PACRG: variants seen among roughly 807,000 people sequenced by gnomAD.
PACRG encodes the protein parkin coregulated gene protein.
PACRG carries 29 observed loss-of-function variants against 29.7 expected under a neutral mutation model. That is an observed-to-expected ratio of 0.98 (90% CI 0.73 to 1.33). The LOEUF is 1.33. PACRG is among the 40% of genes most tolerant of loss of function. The pLI is 0.00. For missense variants in PACRG, 279 were observed against 316.2 expected (o/e 0.88, Z 0.89); for synonymous variants, 116 against 118.7 (o/e 0.98, Z 0.15).
intron 1 of PACRG, among the ~76,000 whole-genome samples, chr6:162,798,166 C>G (rs1444067065): frequency 6.6e-6 from 1 of 152,154 alleles, no homozygotes; most frequent in East Asian, 1.9e-4. Flanking sequence ...TGGGTCTAGG[C>G]TTCTTGATCC....
chr6:162,804,428 TCTGACTGTGTG>T (rs1786143582), intron 1 of PACRG, among the ~76,000 whole-genome samples: 1 of 152,210 alleles, frequency 6.6e-6, no homozygotes, highest in East Asian at 1.9e-4. Context: ...AAAGTCTTTT[TCTGACTGTGTG>T]CTGACATGGT....
At chr6:163,097,626 G>A (rs1304448188) in intron 4 of PACRG, among the ~76,000 whole-genome samples, 2 of 152,180 alleles carry the variant, frequency 1.3e-5, no homozygotes, top group African/African-American at 2.4e-5. Flanking sequence ...GACATCAATC[G>A]ATATGTGTGG....
chr6:163,095,405 A>G, intron 4 of PACRG: 1 of 985,438 alleles, frequency 1.0e-6, no homozygotes, highest in Non-Finnish European at 1.2e-6. Flanking sequence ...GGCGATGTCT[A>G]AAGAAATCAG....
chr6:162,745,626 A>T (rs1355648717), intron 1 of PACRG, among the ~76,000 whole-genome samples: 5 of 152,226 alleles, frequency 3.3e-5, no homozygotes, highest in Admixed American at 3.3e-4. Flanking sequence ...CAGTGGTCTT[A>T]TATTGGTGAA....
chr6:162,978,341 G>C (rs56715899), intron 2 of PACRG, among the ~76,000 whole-genome samples: 9,966 of 152,112 alleles, frequency 0.066, 848 homozygotes, highest in African/African-American at 0.2. Flanking sequence ...CTGTTTACAA[G>C]AAAAAACACA....
intron 4 of PACRG, among the ~76,000 whole-genome samples, chr6:163,161,187 A>G (rs949245393): frequency 6.6e-5 from 10 of 152,086 alleles, no homozygotes; most frequent in Non-Finnish European, 1.5e-4. Flanking sequence ...TTGGAGTTCA[A>G]GGTCCTCCAG....
At chr6:162,989,771 G>C (rs528917813) in intron 2 of PACRG, among the ~76,000 whole-genome samples, 5 of 148,718 alleles carry the variant, frequency 3.4e-5, no homozygotes, top group African/African-American at 1.2e-4. Context: ...AAGTTTTAGG[G>C]TACATGTGCA....
intron 1 of PACRG, among the ~76,000 whole-genome samples, chr6:162,794,582 A>G (rs1401910685): frequency 6.6e-6 from 1 of 152,154 alleles, no homozygotes; most frequent in South Asian, 2.1e-4. Context: ...TTGGCCTCCA[A>G]TATTTCTTTT....
intron 2 of PACRG, among the ~76,000 whole-genome samples, chr6:163,033,646 A>G (rs1807878294): frequency 6.6e-6 from 1 of 152,226 alleles, no homozygotes; most frequent in Non-Finnish European, 1.5e-5. Flanking sequence ...AACATCATAC[A>G]CAGAATACAT....
At chr6:162,771,691 A>G (rs1783234476) in intron 1 of PACRG, among the ~76,000 whole-genome samples, 1 of 152,196 alleles carries the variant, frequency 6.6e-6, no homozygotes, top group South Asian at 2.1e-4. Context: ...AGCTGTTAGT[A>G]TCTTTGGAAA....
chr6:163,135,247 G>A (rs1214715444), intron 4 of PACRG, among the ~76,000 whole-genome samples: 1 of 151,176 alleles, frequency 6.6e-6, no homozygotes, highest in Non-Finnish European at 1.5e-5. Context: ...GGAGTACAGT[G>A]GCACAATCTC....
intron 2 of PACRG, chr6:163,042,884 G>A (rs543986105): frequency 4.1e-5 from 6 of 145,268 alleles, no homozygotes; most frequent in African/African-American, 1.5e-4. Flanking sequence ...GCTTATATAT[G>A]TATCTACAGT....
intron 2 of PACRG, among the ~76,000 whole-genome samples, chr6:162,963,895 A>G (rs188385094): frequency 2.0e-5 from 3 of 152,264 alleles, no homozygotes; most frequent in Non-Finnish European, 2.9e-5. Flanking sequence ...TACAGAAACA[A>G]TCACCTTTCT....
intron 3 of PACRG, among the ~76,000 whole-genome samples, chr6:163,081,039 T>A (rs1813027818): frequency 6.6e-6 from 1 of 152,196 alleles, no homozygotes; most frequent in African/African-American, 2.4e-5. Flanking sequence ...TCATATTTAC[T>A]TATATAGCAA....
chr6:163,276,901 G>T (rs1370368755), intron 4 of PACRG, among the ~76,000 whole-genome samples: 1 of 152,166 alleles, frequency 6.6e-6, no homozygotes, highest in South Asian at 2.1e-4. Context: ...TAAGATATTT[G>T]GTTATAGCAC....
chr6:162,923,328 C>T (rs965158911), intron 2 of PACRG, among the ~76,000 whole-genome samples: 2 of 152,116 alleles, frequency 1.3e-5, no homozygotes, highest in Non-Finnish European at 2.9e-5. Context: ...TGCAGATTGT[C>T]TCTTCACTCT....
In PACRG at chr6:162,910,063, G is replaced by A. The variant is rs985325441; in HGVS notation, c.291+95782G>A. ...TCACTTACCAGTTGTGTAACTGTGG[G>A]CAAAGCACCTAACCTTCTGTGCCTC... On this transcript the variant is annotated intron_variant, in intron 2 of 4. Transcript: ENST00000366888. Among the ~76,000 whole-genome samples, 5 of 152,172 alleles carry A rather than the reference G, an allele frequency of 3.3e-5. No individual in the cohort carries two copies. In the East Asian group the frequency reaches 7.7e-4, roughly 23 times the overall value.
chr6:163,207,869 C>T (rs1397360916), intron 4 of PACRG, among the ~76,000 whole-genome samples: 4 of 152,130 alleles, frequency 2.6e-5, no homozygotes, highest in East Asian at 3.8e-4. Context: ...AAATATTCAG[C>T]GCAATAGAAT....
intron 2 of PACRG, among the ~76,000 whole-genome samples, chr6:162,832,097 T>C (rs1788824640): frequency 6.6e-6 from 1 of 152,254 alleles, no homozygotes; most frequent in African/African-American, 2.4e-5. Context: ...TCTTCCACAA[T>C]GGTTGAACTA....
Sources: allele counts gnomAD v4.1 joint callset (sites outside exome capture counted in the v4.1 genomes callset), GRCh38; gene constraint gnomAD v4.1.1; transcripts MANE v1.5; gene names NCBI Gene and HGNC (gene_info 2026-07-23, HGNC 2026-07-21).